The following IREB2 variants were observed in gnomAD, a reference collection of about 807,000 sequenced individuals.
IREB2 encodes iron-responsive element-binding protein 2.
A neutral mutation model predicts 118.8 loss-of-function variants in IREB2; 39 were observed. That is an observed-to-expected ratio of 0.33 (90% CI 0.25 to 0.43). The LOEUF is 0.43. Ranked by LOEUF, IREB2 falls within the 20% of genes least tolerant of loss-of-function variation. The pLI is 1.00. For missense variants in IREB2, 900 were observed against 1,147.3 expected, an observed-to-expected ratio of 0.78 and a Z score of 3.11; for synonymous variants, 372 against 392.2, an observed-to-expected ratio of 0.95 and a Z score of 0.61.
rs2051466839 is a variant in IREB2, at chr15:78,476,186, A to G, written c.1024-2A>G. ...ATGTGTTTCTGTGTATTCCTTATAT[A>G]GCACCTCAGGCAAGTAGGAGTGGCT... On this transcript the variant is annotated splice_acceptor_variant, in intron 8 of 21. Coordinates refer to ENST00000258886, the MANE Select transcript of IREB2 (RefSeq NM_004136.4). LOFTEE classifies it high-confidence loss of function. The G allele has an allele frequency of 6.3e-7, 1 of 1,578,600 alleles. No individual in the cohort carries two copies. The highest frequency in any genetic ancestry group is 8.7e-7 in the Non-Finnish European group (1 of 1,153,404).
At chr15:78,471,585 A>C (rs2051378039) in intron 6 of IREB2, among the ~76,000 whole-genome samples, 156 bp from the exon 7 acceptor site, 4 of 152,356 alleles carry the variant, frequency 2.6e-5, no homozygotes, top group South Asian at 2.1e-4. Context: ...ATTTAGGTTC[A>C]GTATCTGTAT....
intron 2 of IREB2, among the ~76,000 whole-genome samples, chr15:78,452,938 A>G (rs1394844425): frequency 2.6e-5 from 4 of 152,148 alleles, no homozygotes; most frequent in Non-Finnish European, 5.9e-5. Context: ...CCCAAGCTCT[A>G]GTTTCTATAG....
intron 2 of IREB2, among the ~76,000 whole-genome samples, chr15:78,455,214 AC>A (rs2051087125): frequency 1.3e-5 from 2 of 152,314 alleles, no homozygotes; most frequent in African/African-American, 4.8e-5. Context: ...GCTGGTGCCA[AC>A]GAGTAAGGAG....
At chr15:78,494,395 G>C (rs1459401419) in intron 20 of IREB2, 131 bp downstream of exon 20, 10 of 867,776 alleles carry the variant, frequency 1.2e-5, no homozygotes, top group Non-Finnish European at 1.8e-5. Context: ...AGAGGGTTTT[G>C]TTTGTTTGTT....
chr15:78,443,598 T>A (rs1029860085), intron 2 of IREB2, among the ~76,000 whole-genome samples: 4 of 152,114 alleles, frequency 2.6e-5, no homozygotes, highest in African/African-American at 2.4e-5. Flanking sequence ...TTGTGGGGAA[T>A]CTCCTTTGTT....
In IREB2 at chr15:78,488,557, T is replaced by C. The variant is rs968350478; in HGVS notation, c.1952-90T>C. On this transcript the variant is annotated intron_variant, in intron 15 of 21. Transcript: ENST00000258886. ...GCCTGAAGCACCCTGTTGAATCATT[T>C]ACTTGATTTCCATGATATGTCTTTG... The C allele has an allele frequency of 2.3e-6, 3 of 1,293,466 alleles. No homozygotes were observed. In the African/African-American group the frequency reaches 4.5e-5, roughly 20 times the overall value. The allele number at this position is 1,293,466 out of a possible 1,614,324, so 80.1% of individuals were successfully genotyped here.
rs549579461 is a variant in IREB2 at position 78,469,607 on chromosome 15, C to A, written c.630-925C>A. ...GTGTGGTGGTGCATACCTGTAATCCCAGCTACTCAGGGGGCTGAGGTAGGA... is the reference window on the plus strand; with the variant it reads ...GTGTGGTGGTGCATACCTGTAATCCAAGCTACTCAGGGGGCTGAGGTAGGA... On this transcript the variant is annotated intron_variant, in intron 5 of 21. Transcript: ENST00000258886. Among the ~76,000 whole-genome samples, 4 of 152,028 alleles carry A rather than the reference C, an allele frequency of 2.6e-5. No homozygotes were observed. In the East Asian group the frequency reaches 7.7e-4, roughly 29 times the overall value.
At position 78,498,303 on chromosome 15, in the gene IREB2, ATCT is replaced by A. The variant is rs777362589; in HGVS notation, c.*165_*167del. The A allele has an allele frequency of 4.1e-6, 2 of 487,302 alleles. No individual in the cohort carries two copies. The highest frequency in any genetic ancestry group is 7.4e-6 in the Non-Finnish European group (2 of 271,752). 30.2% of individuals were successfully genotyped at this position (487,302 alleles called of 1,614,324 possible). ...GAATCAACATAGTAACTGAAATGAAATCTTCTTGATTTTAAATAATATACGAAT... is the reference window on the plus strand; with the variant it reads ...GAATCAACATAGTAACTGAAATGAAATCTTGATTTTAAATAATATACGAAT... On this transcript the variant is annotated 3_prime_UTR_variant, in exon 22 of 22. Coordinates refer to ENST00000258886, the MANE Select transcript of IREB2 (RefSeq NM_004136.4).
In IREB2 at chr15:78,490,663, C is replaced by T; in HGVS notation, c.2226C>T (p.Val742=). ...IALQAIENAH[V]LLYLGDSVTT... ...TCCAGGCTATTGAAAATGCCCATGT[C>T]TTATTATATTTGGGAGACTCTGTCA... Residue 742 remains valine, a synonymous_variant, in exon 18 of 22, where the codon GTC becomes GTT. Coordinates refer to ENST00000258886, the MANE Select transcript of IREB2 (RefSeq NM_004136.4). 1 of 1,614,096 alleles carries T rather than the reference C, an allele frequency of 6.2e-7. No homozygotes were observed. The highest frequency in any genetic ancestry group is 8.5e-7 in the Non-Finnish European group (1 of 1,179,974).
At chr15:78,477,246 T>G (rs1309922922) in intron 9 of IREB2, among the ~76,000 whole-genome samples, 1 of 152,196 alleles carries the variant, frequency 6.6e-6, no homozygotes, top group Non-Finnish European at 1.5e-5. Context: ...CAAATTATCC[T>G]AAAATTTAGT....
chr15:78,450,673 C>A (rs1329871292), intron 2 of IREB2, among the ~76,000 whole-genome samples: 2 of 152,330 alleles, frequency 1.3e-5, no homozygotes, highest in East Asian at 3.9e-4. Context: ...AGGCAGCTTA[C>A]AGATGTAGTC....
At position 78,498,160 on chromosome 15, in the gene IREB2, A is replaced by T. The variant is rs372754030; in HGVS notation, c.*17A>T. ...TTCTCATAGTATCTACTTACCATAG[A>T]TACCTTTCATAACTGGTAACTGCAA... On this transcript the variant is annotated 3_prime_UTR_variant, in exon 22 of 22. Coordinates refer to ENST00000258886, the MANE Select transcript of IREB2 (RefSeq NM_004136.4). 3.6e-6 allele frequency: 5 copies of T among 1,373,426 alleles called. No individual in the cohort carries two copies. The highest frequency in any genetic ancestry group is 5.2e-6 in the Non-Finnish European group (5 of 961,296). 85.1% of individuals were successfully genotyped at this position (1,373,426 alleles called of 1,614,324 possible). A position where few individuals can be genotyped will look rare whatever the true frequency, so the allele number is the denominator to read the frequency against.
At chr15:78,444,440 G>A (rs1482906742) in intron 2 of IREB2, among the ~76,000 whole-genome samples, 3 of 152,132 alleles carry the variant, frequency 2.0e-5, no homozygotes, top group African/African-American at 7.2e-5. Context: ...CTCTGGTGGT[G>A]TAAAGCCCCC....
At chr15:78,445,142 T>A (rs8034271) in intron 2 of IREB2, among the ~76,000 whole-genome samples, 18,755 of 147,966 alleles carry the variant, frequency 0.13, 1,218 homozygotes, top group South Asian at 0.16. Context: ...CTTTATTTTT[T>A]TTTTTTTTTT....
intron 2 of IREB2, among the ~76,000 whole-genome samples, chr15:78,453,842 C>A (rs1205465658): frequency 6.6e-6 from 1 of 152,216 alleles, no homozygotes; most frequent in East Asian, 1.9e-4. Flanking sequence ...ATAAGCAGAT[C>A]AGAGAAACAT....
chr15:78,489,961 A>G (rs2141522094), intron 16 of IREB2, among the ~76,000 whole-genome samples: 1 of 152,318 alleles, frequency 6.6e-6, no homozygotes, highest in African/African-American at 2.4e-5. Flanking sequence ...ACATATAGAA[A>G]TCTTTCTAAA....
Position 78,500,622 on chromosome 15 carries a change from A to G in IREB2, c.*2479A>G, listed in dbSNP as rs542254018. The G allele has an allele frequency of 1.3e-5, 2 of 152,250 alleles. No homozygotes were observed. Among genetic ancestry groups the G allele is most frequent in the African/African-American group, 4.8e-5 (2 of 41,552 alleles). 9.4% of individuals were successfully genotyped at this position (152,250 alleles called of 1,614,324 possible). ...GTTGTAAGCTTAAAGTACAATTTCA[A>G]AGGTCACTACCAACAGCAGGGTTTT... On this transcript the variant is annotated 3_prime_UTR_variant, in exon 22 of 22. Transcript: ENST00000258886.
chr15:78,452,483 C>T (rs977639451), intron 2 of IREB2, among the ~76,000 whole-genome samples: 3 of 152,008 alleles, frequency 2.0e-5, no homozygotes, highest in African/African-American at 7.3e-5. Flanking sequence ...AGTTGTACTC[C>T]CTGGAGGAAG....
At chr15:78,467,030 A>C (rs1207593715) in intron 5 of IREB2, among the ~76,000 whole-genome samples, 8 of 151,794 alleles carry the variant, frequency 5.3e-5, no homozygotes. Context: ...CAGCCTGGGC[A>C]GCACTGGTGA....
Sources: gnomAD v4.1 joint callset for allele counts (sites outside exome capture counted in the v4.1 genomes callset) on GRCh38, gnomAD v4.1.1 for gene constraint, MANE v1.5 for transcripts, NCBI Gene and HGNC (gene_info 2026-07-23, HGNC 2026-07-21) for gene names.